The following CAPN1 variants were observed in gnomAD, a reference collection of about 807,000 sequenced individuals.
The protein encoded by CAPN1 is calpain-1 catalytic subunit.
CAPN1 carries 77 observed loss-of-function variants against 105.2 expected under a neutral mutation model. That is an observed-to-expected ratio of 0.73 (90% confidence interval 0.61 to 0.88). The LOEUF (loss-of-function observed/expected upper bound fraction) is 0.88, where lower values mean the gene tolerates loss of function less well. Among genes scored for constraint, CAPN1 ranks in the 40% least tolerant of loss-of-function variants. The probability of loss-of-function intolerance (pLI) is 0.00; values close to 1 mark genes in which losing one functional copy is unlikely to be tolerated. For synonymous variants in CAPN1, 355 were observed against 388.8 expected (o/e 0.91, Z 1.02); for missense variants, 833 against 976.6 (o/e 0.85, Z 1.96).
At chr11:65,185,493 A>G (rs1948618620) in intron 4 of CAPN1, among the ~76,000 whole-genome samples, 1 of 151,640 alleles carries the variant, frequency 6.6e-6, no homozygotes, top group African/African-American at 2.4e-5. Flanking sequence ...ATCAATGCAG[A>G]TTTTCTCTAC....
In CAPN1 at chr11:65,209,892, T is replaced by C; in HGVS notation, c.1838T>C (p.Leu613Pro). ...GKLGLVEFNI[L>P]WNRIRNYLSI... ...CTGGGCCTGGTGGAGTTCAACATCC[T>C]GTGGAACCGCATCCGGAATTACCTG... is the stretch of plus-strand genomic sequence containing the variant. Residue 613 changes from leucine to proline, a missense_variant, in exon 18 of 22, where the codon CTG (leucine) becomes CCG (proline). Coordinates refer to ENST00000279247, the MANE Select transcript of CAPN1 (RefSeq NM_005186.4). This position sits in a 1 kb window ranked among gnomAD's most constrained non-coding sequence, Gnocchi z 4.1. The C allele has an allele frequency of 6.2e-7, 1 of 1,613,744 alleles. No individual in the cohort carries two copies. The highest frequency in any genetic ancestry group is 8.5e-7 in the Non-Finnish European group (1 of 1,179,876).
Position 65,204,805 on chromosome 11 carries a change from C to T in CAPN1, c.1288C>T (p.Arg430Cys), listed in dbSNP as rs374792537. The T allele has an allele frequency of 2.0e-5, 33 of 1,612,490 alleles. No individual in the cohort carries two copies. Among genetic ancestry groups the T allele is most frequent in the African/African-American group, 4.0e-5 (3 of 74,948 alleles). Residue 430 changes from arginine (R) to cysteine (C), a missense_variant, in exon 11 of 22, where the codon CGC (arginine) becomes TGC (cysteine). Arg to Cys is a radical substitution (Grantham distance 180). Transcript: ENST00000279247. ...CGCCCTTATGCAGAAGCACCGTCGCCGCGAGCGCCGCTTCGGCCGCGACAT... is the reference window on the plus strand; with the variant it reads ...CGCCCTTATGCAGAAGCACCGTCGCTGCGAGCGCCGCTTCGGCCGCGACAT... ...VLALMQKHRR[R>C]ERRFGRDMET...
chr11:65,207,400 A>G (rs1255322077), intron 14 of CAPN1, among the ~76,000 whole-genome samples: 1 of 150,296 alleles, frequency 6.7e-6, no homozygotes, highest in Non-Finnish European at 1.5e-5. Context: ...GGGTTTTGCC[A>G]TTTTGGTCAG....
intron 6 of CAPN1, 105 bp from the exon 7 acceptor site, chr11:65,187,110 T>A (rs1440618810): frequency 2.6e-6 from 2 of 764,296 alleles, no homozygotes; most frequent in Non-Finnish European, 4.5e-6. Context: ...TCCTAGCAAC[T>A]GTTGTATGTG....
At position 65,210,351 on chromosome 11, in the gene CAPN1, A is replaced by T. The variant is rs779650377; in HGVS notation, c.1958A>T (p.Lys653Met). Residue 653 changes from lysine (K) to methionine (M), a missense_variant, in exon 20 of 22, where the codon AAG becomes ATG. Coordinates refer to ENST00000279247, the MANE Select transcript of CAPN1 (RefSeq NM_005186.4). The surrounding 1 kb of genome is among the most constrained non-coding windows in gnomAD (Gnocchi z 4.3). ...AIESAGFKLN[K>M]KLYELIITRY... ...CCTGGACCAGGCTTCAAGCTCAACAAGAAGCTGTACGAGCTCATCATCACC... is the reference window on the plus strand; with the variant it reads ...CCTGGACCAGGCTTCAAGCTCAACATGAAGCTGTACGAGCTCATCATCACC... 6.2e-7 allele frequency: 1 copy of T among 1,612,256 alleles called. No individual in the cohort carries two copies. Among genetic ancestry groups the T allele is most frequent in the South Asian group, 1.1e-5 (1 of 90,952 alleles).
intron 10 of CAPN1, among the ~76,000 whole-genome samples, chr11:65,190,712 G>T (rs11227148): frequency 2.3e-3 from 128 of 56,614 alleles, no homozygotes; most frequent in African/African-American, 4.2e-3. Flanking sequence ...GGTTTTTTTT[G>T]TTTTTGTTTT....
At position 65,210,283 on chromosome 11, in the gene CAPN1, C is replaced by A; in HGVS notation, c.1943-53C>A. 3 of 1,349,304 alleles carry A rather than the reference C, an allele frequency of 2.2e-6. No homozygotes were observed. Among genetic ancestry groups the A allele is most frequent in the Non-Finnish European group, 3.2e-6 (3 of 950,572 alleles). The allele number at this position is 1,349,304 out of a possible 1,614,324, so 83.6% of individuals were successfully genotyped here. A position where few individuals can be genotyped will look rare whatever the true frequency, so the allele number is the denominator to read the frequency against. On this transcript the variant is annotated intron_variant, in intron 19 of 21. Coordinates refer to ENST00000279247, the MANE Select transcript of CAPN1 (RefSeq NM_005186.4). This position sits in a 1 kb window ranked among gnomAD's most constrained non-coding sequence, Gnocchi z 4.3. ...CCTGGGGACCCAACCCCTCCCCCAT[C>A]CTGTTGGGCAGGGGCTGCGCCTCAC... is the stretch of plus-strand genomic sequence containing the variant.
chr11:65,185,110 A>G (rs931355442), intron 4 of CAPN1, among the ~76,000 whole-genome samples: 1 of 151,982 alleles, frequency 6.6e-6, no homozygotes, highest in Non-Finnish European at 1.5e-5. Context: ...AAATCAACTC[A>G]CAAAAGGAGG....
At chr11:65,187,174 G>T in intron 6 of CAPN1, 41 bp from the exon 7 acceptor site, 1 of 1,470,332 alleles carries the variant, frequency 6.8e-7, no homozygotes, top group East Asian at 2.3e-5. Context: ...ATAGGGCGGG[G>T]GGACCTAGCC....
At position 65,206,768 on chromosome 11, in the gene CAPN1, C is replaced by T; in HGVS notation, c.1566-12C>T. On this transcript the variant is annotated splice_polypyrimidine_tract_variant and intron_variant, in intron 13 of 21. Coordinates refer to ENST00000279247, the MANE Select transcript of CAPN1 (RefSeq NM_005186.4). Reference sequence around the variant, plus strand: ...CCCTCTGACTGGCTCCTTTCCTCCCCACTCTCTGCAGGGAGCTGGATGACC... The same window carrying T: ...CCCTCTGACTGGCTCCTTTCCTCCCTACTCTCTGCAGGGAGCTGGATGACC... 1 of 1,612,842 alleles carries T rather than the reference C, an allele frequency of 6.2e-7. No individual in the cohort carries two copies. The highest frequency in any genetic ancestry group is 8.5e-7 in the Non-Finnish European group (1 of 1,179,496).
At chr11:65,181,414 A>G (rs1001901856), upstream of CAPN1, 54 of 238,532 alleles carry the variant, frequency 2.3e-4, no homozygotes, top group Admixed American at 6.4e-4. This position sits in a 1 kb window ranked among gnomAD's most constrained non-coding sequence, Gnocchi z 4.6. Flanking sequence ...GCCCGAGGTA[A>G]TCTCGGCCCC....
At chr11:65,206,972 G>A (rs1053163616) in intron 14 of CAPN1, among the ~76,000 whole-genome samples, 153 bp downstream of exon 14, 11 of 152,194 alleles carry the variant, frequency 7.2e-5, no homozygotes, top group South Asian at 2.1e-4. Flanking sequence ...TCCCTCATCC[G>A]CCCAGCACTT....
At position 65,209,850 on chromosome 11, in the gene CAPN1, G is replaced by C. The variant is rs368480943; in HGVS notation, c.1796G>C (p.Arg599Pro). Residue 599 changes from arginine to proline, a missense_variant and splice_region_variant, in exon 18 of 22, where the codon CGT becomes CCT. Coordinates refer to ENST00000279247, the MANE Select transcript of CAPN1 (RefSeq NM_005186.4). This position sits in a 1 kb window ranked among gnomAD's most constrained non-coding sequence, Gnocchi z 4.1. ...SCRSMVNLMD[R>P]DGNGKLGLVE... ...ATTTCCTTCTTAACGGCCACCCAGC[G>C]TGATGGCAATGGGAAGCTGGGCCTG... 6.3e-5 allele frequency: 101 copies of C among 1,613,464 alleles called. No homozygotes were observed. Among genetic ancestry groups the C allele is most frequent in the Non-Finnish European group, 8.1e-5 (96 of 1,179,772 alleles).
At chr11:65,202,182 A>G (rs1319496002) in intron 10 of CAPN1, among the ~76,000 whole-genome samples, 1 of 152,126 alleles carries the variant, frequency 6.6e-6, no homozygotes, top group African/African-American at 2.4e-5. Context: ...GTTTAATTGC[A>G]GGAACTTCCT....
At chr11:65,195,100 GTT>G (rs60778423) in intron 10 of CAPN1, among the ~76,000 whole-genome samples, 3,524 of 90,846 alleles carry the variant, frequency 0.039, 182 homozygotes, top group African/African-American at 0.11. Flanking sequence ...GTTTTTTGGG[GTT>G]TTTTTTTTTT....
intron 12 of CAPN1, 23 bp from the exon 13 acceptor site, chr11:65,206,440 T>C (rs1273869323): frequency 1.9e-6 from 3 of 1,602,824 alleles, no homozygotes; most frequent in Non-Finnish European, 2.6e-6. Context: ...GCTGCAGCCC[T>C]GCTCCCTCCT....
chr11:65,204,597 T>G (rs982394954), intron 10 of CAPN1, 86 bp from the exon 11 acceptor site: 3 of 1,192,706 alleles, frequency 2.5e-6, no homozygotes, highest in African/African-American at 3.0e-5. Context: ...AATGAATGCG[T>G]GCACAGGGAC....
At position 65,187,528 on chromosome 11, in the gene CAPN1, A is replaced by ACAG; in HGVS notation, c.843+231_843+233dup. The ACAG allele has an allele frequency of 5.2e-6, 3 of 578,666 alleles. No homozygotes were observed. The South Asian group carries it at 6.0e-5, about 11-fold the overall frequency. The allele number at this position is 578,666 out of a possible 1,614,324, so 35.8% of individuals were successfully genotyped here. ...TGCCTGGGCTGTGAATTCCAAGAGG[A>ACAG]CAGGCTTCATCTGGGTGCTGAGCAG... On this transcript the variant is annotated intron_variant, in intron 7 of 21. Transcript: ENST00000279247.
At position 65,183,576 on chromosome 11, in the gene CAPN1, GCATCTTC is replaced by G; in HGVS notation, c.444_450del (p.Phe149SerfsTer25). The G allele has an allele frequency of 6.2e-7, 1 of 1,612,472 alleles. No individual in the cohort carries two copies. The highest frequency in any genetic ancestry group is 8.5e-7 in the Non-Finnish European group (1 of 1,178,508). ...CAGAGCTTCCAGAATGGCTATGCCG[GCATCTTC>G]CATTTCCAGGTGAGGGCTCCCCTGG... On this transcript the variant is annotated frameshift_variant, in exon 4 of 22. Transcript: ENST00000279247. LOFTEE classifies it high-confidence loss of function.
Sources: gnomAD v4.1 joint callset for allele counts (sites outside exome capture counted in the v4.1 genomes callset) on GRCh38, gnomAD v4.1.1 for gene constraint, Gnocchi (gnomAD v3.1) non-coding constraint, MANE v1.5 for transcripts, NCBI Gene and HGNC (gene_info 2026-07-23, HGNC 2026-07-21) for gene names.